Variants in CCPG1 observed in about 807,000 individuals in gnomAD.
CCPG1 encodes cell cycle progression 1.
Under a neutral mutation model 81.3 loss-of-function variants are expected in CCPG1, and 46 were observed. The ratio of observed to expected loss-of-function variants is 0.57; its 90% CI spans 0.45 to 0.72. CCPG1 has a LOEUF of 0.72. Among genes scored for constraint, CCPG1 ranks in the 30% least tolerant of loss-of-function variants. The pLI, the probability that CCPG1 is intolerant of heterozygous loss-of-function variation, is 0.00. For synonymous variants in CCPG1, 330 were observed against 305.2 expected, an observed-to-expected ratio of 1.08 and a Z score of -0.85; for missense variants, 902 against 937.6, an observed-to-expected ratio of 0.96 and a Z score of 0.50.
At chr15:55,397,161 C>T (rs1444363920) in intron 1 of CCPG1, among the ~76,000 whole-genome samples, 6 of 151,920 alleles carry the variant, frequency 3.9e-5, no homozygotes, top group East Asian at 1.9e-4. Context: ...TTGCAGTGAG[C>T]CGAGATGGCG....
chr15:55,366,349 A>C (rs1473955335), intron 6 of CCPG1, among the ~76,000 whole-genome samples: 3 of 152,112 alleles, frequency 2.0e-5, no homozygotes. Flanking sequence ...GATACAACAA[A>C]GCCCAAAAAG....
At chr15:55,404,738 C>T (rs1318384237) in intron 1 of CCPG1, among the ~76,000 whole-genome samples, 1 of 152,130 alleles carries the variant, frequency 6.6e-6, no homozygotes, top group African/African-American at 2.4e-5. Context: ...TCAAAGAGAC[C>T]AGCCTGGGAA....
chr15:55,374,317 G>T, intron 5 of CCPG1: 1 of 801,814 alleles, frequency 1.2e-6, no homozygotes, highest in Non-Finnish European at 1.8e-6. Flanking sequence ...AGAAAAAAAA[G>T]AATTAAAAAT....
chr15:55,372,628 C>T (rs1407940869), intron 5 of CCPG1: 1 of 219,150 alleles, frequency 4.6e-6, no homozygotes, highest in Non-Finnish European at 9.1e-6. Context: ...CACTATACTC[C>T]AGACTGGGAG....
At chr15:55,364,494 T>C (rs979984176) in intron 7 of CCPG1, among the ~76,000 whole-genome samples, 2 of 150,954 alleles carry the variant, frequency 1.3e-5, no homozygotes, top group African/African-American at 4.8e-5. Flanking sequence ...AGATGTTAAC[T>C]ATAAAATAGC....
chr15:55,392,209 GATT>G (rs2141323031), intron 1 of CCPG1, among the ~76,000 whole-genome samples: 1 of 119,818 alleles, frequency 8.3e-6, no homozygotes, highest in Non-Finnish European at 1.6e-5. Context: ...GATCAGATTT[GATT>G]TTTTTTTTTT....
At position 55,356,044 on chromosome 15, in the gene CCPG1, C is replaced by A. The variant is rs2056071656; in HGVS notation, c.*176G>T. The A allele has an allele frequency of 3.7e-6, 2 of 545,398 alleles. No individual in the cohort carries two copies. The allele number at this position is 545,398 out of a possible 1,614,324, so 33.8% of individuals were successfully genotyped here. ...AACGAAGCTAAACTACAGGAAAATG[C>A]AGGTTAGTAGACTTTTAACTAATGC... On this transcript the variant is annotated 3_prime_UTR_variant, in exon 9 of 9. Transcript: ENST00000442196.
At chr15:55,383,796 A>G (rs2056748314) in intron 3 of CCPG1, among the ~76,000 whole-genome samples, 1 of 152,186 alleles carries the variant, frequency 6.6e-6, no homozygotes, top group Admixed American at 6.5e-5. Context: ...CATAGACTTG[A>G]AGCAAGTTAG....
intron 2 of CCPG1, among the ~76,000 whole-genome samples, chr15:55,386,270 A>G (rs2056797723): frequency 6.6e-6 from 1 of 152,132 alleles, no homozygotes; most frequent in Non-Finnish European, 1.5e-5. Flanking sequence ...GCAAATAACT[A>G]CTTATTATGG....
chr15:55,395,036 G>T (rs2414413), intron 1 of CCPG1, among the ~76,000 whole-genome samples: 2 of 152,180 alleles, frequency 1.3e-5, no homozygotes, highest in East Asian at 3.9e-4. Flanking sequence ...GATCTCCCAT[G>T]TCCTTGGCTG....
intron 2 of CCPG1, among the ~76,000 whole-genome samples, chr15:55,387,860 A>G (rs937926473): frequency 1.3e-5 from 2 of 149,240 alleles, no homozygotes; most frequent in African/African-American, 4.9e-5. Flanking sequence ...TTTTTATTAA[A>G]AAAACAAGTG....
At chr15:55,365,061 G>A (rs1220642257) in intron 7 of CCPG1, 127 bp downstream of exon 7, 5 of 609,672 alleles carry the variant, frequency 8.2e-6, no homozygotes, top group Admixed American at 3.0e-5. Flanking sequence ...CTAAATACCC[G>A]TACTCAATTC....
At position 55,356,295 on chromosome 15, in the gene CCPG1, A is replaced by G. The variant is rs2056076027; in HGVS notation, c.2349T>C (p.Tyr783=). The G allele has an allele frequency of 1.3e-6, 2 of 1,535,374 alleles. No homozygotes were observed. Among genetic ancestry groups the G allele is most frequent in the South Asian group, 1.2e-5 (1 of 83,944 alleles). ...CCATTTGTCTTCCATTAGTGCGACC[A>G]TATTTATGCCATTTACCTTCCCTTT... ...PYKREGKWHK[Y]GRTNGRQMAN... The change falls in exon 9 of 9, where the codon TAT becomes TAC. Residue 783 remains tyrosine, a synonymous_variant. Transcript: ENST00000442196.
intron 8 of CCPG1, chr15:55,359,126 C>T (rs1293841515): frequency 1.0e-6 from 1 of 982,680 alleles, no homozygotes; most frequent in Non-Finnish European, 1.2e-6. Context: ...TATATGAGCT[C>T]TTCTGACTTC....
At chr15:55,363,840 G>T (rs931942671) in intron 7 of CCPG1, among the ~76,000 whole-genome samples, 3 of 107,384 alleles carry the variant, frequency 2.8e-5, no homozygotes, top group African/African-American at 1.1e-4. Context: ...GTCTTCCTCT[G>T]TGGCCCAGGC....
Position 55,359,953 on chromosome 15 carries a change from G to T in CCPG1, c.1820C>A (p.Thr607Lys), listed in dbSNP as rs1199512529. The change falls in exon 8 of 9, where the codon ACA (threonine) becomes AAA (lysine). Residue 607 changes from threonine (T) to lysine (K), a missense_variant. Physicochemically the swap from Thr to Lys is moderately conservative, Grantham distance 78. Transcript: ENST00000442196. ...CCCAGGACTGCATTTCTTTGAATTT[G>T]TATTTTTTCTGAATTCTTTAAAGTG... ...PVHFKEFRKN[T>K]NSKKCSPGHD... 1.2e-6 allele frequency: 2 copies of T among 1,612,926 alleles called. No homozygotes were observed. The highest frequency in any genetic ancestry group is 2.2e-5 in the South Asian group (2 of 90,870).
At chr15:55,392,757 T>G (rs2056946518) in intron 1 of CCPG1, among the ~76,000 whole-genome samples, 1 of 152,166 alleles carries the variant, frequency 6.6e-6, no homozygotes, top group African/African-American at 2.4e-5. Flanking sequence ...GCTCAAGTGA[T>G]CCACCTTTCT....
chr15:55,360,410 C>T lies in CCPG1; in HGVS notation c.1363G>A (p.Ala455Thr), dbSNP rs1345703361. The change falls in exon 8 of 9, where the codon GCA (alanine) becomes ACA (threonine). Residue 455 changes from alanine (A) to threonine (T), a missense_variant. Transcript: ENST00000442196. ...SDLWERLYVE[A>T]KDQNGKQGTD... Reference sequence around the variant, plus strand: ...CCTTGTTTTCCATTTTGATCTTTTGCCTCAACATACAATCTTTCCCACAAA... The same window carrying T: ...CCTTGTTTTCCATTTTGATCTTTTGTCTCAACATACAATCTTTCCCACAAA... The T allele has an allele frequency of 6.2e-7, 1 of 1,613,770 alleles. No homozygotes were observed. Among genetic ancestry groups the T allele is most frequent in the Admixed American group, 1.7e-5 (1 of 60,010 alleles).
intron 1 of CCPG1, among the ~76,000 whole-genome samples, chr15:55,391,865 G>A (rs1363350779): frequency 4.0e-5 from 4 of 99,992 alleles, no homozygotes; most frequent in South Asian, 8.0e-4. Context: ...GTGAAACCTT[G>A]ACTCTTTAAA....
Sources: allele counts gnomAD v4.1 joint callset (sites outside exome capture counted in the v4.1 genomes callset), GRCh38; gene constraint gnomAD v4.1.1; transcripts MANE v1.5; gene names NCBI Gene and HGNC (gene_info 2026-07-23, HGNC 2026-07-21).